The following TDRD12 variants were observed in gnomAD, a reference collection of about 807,000 sequenced individuals.
TDRD12 encodes the protein tudor domain containing 12.
In TDRD12, 158 loss-of-function variants were observed where a neutral mutation model predicts 133.5. The ratio of observed to expected loss-of-function variants is 1.18; its 90% CI spans 1.04 to 1.35. The LOEUF (loss-of-function observed/expected upper bound fraction) is 1.35, where lower values mean the gene tolerates loss of function less well. Among genes scored for constraint, TDRD12 ranks in the 40% most tolerant of loss-of-function variants. The pLI, the probability that TDRD12 is intolerant of heterozygous loss-of-function variation, is 0.00. For missense variants in TDRD12, 1,443 were observed against 1,321.3 expected, an observed-to-expected ratio of 1.09 and a Z score of -1.43; for synonymous variants, 460 against 477.9, an observed-to-expected ratio of 0.96 and a Z score of 0.49.
In TDRD12 at chr19:32,826,441, C is replaced by T. The variant is rs563878619; in HGVS notation, c.896-4C>T. 2 of 1,165,560 alleles carry T rather than the reference C, an allele frequency of 1.7e-6. No individual in the cohort carries two copies. Among genetic ancestry groups the T allele is most frequent in the Admixed American group, 9.0e-5 (2 of 22,258 alleles). The allele number at this position is 1,165,560 out of a possible 1,614,324, so 72.2% of individuals were successfully genotyped here. On this transcript the variant is annotated splice_region_variant and splice_polypyrimidine_tract_variant and intron_variant, in intron 8 of 9. Coordinates refer to the TDRD12 transcript ENST00000637289. ...GCTGACTTTATTTCTTTTTATAAAC[C>T]CAGTGCTTGGGTGGGAGACAAATTT...
chr19:32,829,486 T>G (rs1967688435), downstream of TDRD12: 1 of 152,252 alleles, frequency 6.6e-6, no homozygotes, highest in South Asian at 2.1e-4. Flanking sequence ...TGAAAGTGCC[T>G]TTGTCTCTAT....
chr19:32,744,605 G>T (rs1264039916), intron 4 of TDRD12, among the ~76,000 whole-genome samples: 1 of 149,600 alleles, frequency 6.7e-6, no homozygotes, highest in Non-Finnish European at 1.5e-5. Context: ...CCCCATCTTT[G>T]CTCCCTTTTT....
exon 15 of TDRD12, chr19:32,797,754 G>T: frequency 1.4e-6 from 1 of 698,696 alleles, no homozygotes; most frequent in Non-Finnish European, 2.6e-6. Context: ...GTCATCGTGT[G>T]CCCTGGGTGG....
At chr19:32,826,582 A>C (rs1967597707) in exon 9 of TDRD12, 1 of 1,238,908 alleles carries the variant, frequency 8.1e-7, no homozygotes, top group African/African-American at 1.5e-5. Flanking sequence ...GCATGGTGTC[A>C]CCTACTCAGA....
At chr19:32,747,979 C>T (rs1052433600) in intron 4 of TDRD12, among the ~76,000 whole-genome samples, 1 of 152,154 alleles carries the variant, frequency 6.6e-6, no homozygotes, top group Non-Finnish European at 1.5e-5. Flanking sequence ...CATGCCACTG[C>T]ACTCCAGCCT....
At chr19:32,720,987 T>TC in intron 1 of TDRD12, among the ~76,000 whole-genome samples, 1 of 151,950 alleles carries the variant, frequency 6.6e-6, no homozygotes, top group South Asian at 2.1e-4. Flanking sequence ...GACACTGGCG[T>TC]CCCCAGGGCC....
chr19:32,823,729 A>G (rs919910560), downstream of TDRD12, among the ~76,000 whole-genome samples: 2 of 152,242 alleles, frequency 1.3e-5, no homozygotes, highest in Non-Finnish European at 2.9e-5. Flanking sequence ...GACAGTTTGC[A>G]AGGCCAGCTG....
chr19:32,743,241 G>T (rs1969487168), intron 4 of TDRD12, among the ~76,000 whole-genome samples: 1 of 152,220 alleles, frequency 6.6e-6, no homozygotes, highest in African/African-American at 2.4e-5. Context: ...TAGTGCAGTT[G>T]CATGATCATG....
chr19:32,743,342 C>A (rs1347003429), intron 4 of TDRD12, among the ~76,000 whole-genome samples: 1 of 151,816 alleles, frequency 6.6e-6, no homozygotes, highest in Non-Finnish European at 1.5e-5. Context: ...CCACCATACC[C>A]AGCTAACTCC....
intron 11 of TDRD12, among the ~76,000 whole-genome samples, chr19:32,788,216 G>C (rs527650307): frequency 4.6e-5 from 7 of 151,564 alleles, no homozygotes; most frequent in African/African-American, 1.2e-4. Flanking sequence ...TCTGCCTCCT[G>C]GGTTCAAGTG....
chr19:32,761,738 G>A (rs967717420), intron 8 of TDRD12, among the ~76,000 whole-genome samples: 1 of 152,024 alleles, frequency 6.6e-6, no homozygotes, highest in African/African-American at 2.4e-5. Context: ...CACCTAGGCT[G>A]GAGTGCAGTG....
At position 32,775,818 on chromosome 19, in the gene TDRD12, G is replaced by A. The variant is rs543970590; in HGVS notation, c.1041-1331G>A. Among the ~76,000 whole-genome samples, 62 of 152,224 alleles carry A rather than the reference G, an allele frequency of 4.1e-4. 1 individual carries two copies. The highest frequency in any genetic ancestry group is 1.5e-3 in the African/African-American group (61 of 41,522). The stretch of plus-strand genomic sequence containing the variant: ...CTGATTGTCGTTTCCCTTGGCAGTC[G>A]ATCTGGTTTTCCTGGGCCCGTGTGT... On this transcript the variant is annotated intron_variant, in intron 10 of 27. Transcript: ENST00000444215.
intron 24 of TDRD12, among the ~76,000 whole-genome samples, chr19:32,812,047 T>TG (rs1264693246): frequency 6.6e-6 from 1 of 152,218 alleles, no homozygotes; most frequent in Non-Finnish European, 1.5e-5. Flanking sequence ...TCATTTCCTC[T>TG]GGGCTTCGTG....
Position 32,777,606 on chromosome 19 carries a change from T to C in TDRD12, c.1121+377T>C, listed in dbSNP as rs1021067077. ...ACACTGCTAGAGAAACTGAGCAGTT[T>C]GCCTTGATTTCATACTTGTGTAATC... is the stretch of plus-strand genomic sequence containing the variant. On this transcript the variant is annotated intron_variant, in intron 11 of 27. Transcript: ENST00000444215. 3.9e-5 allele frequency among the ~76,000 whole-genome samples: 6 copies of C among 152,050 alleles called. No individual in the cohort carries two copies. In the South Asian group the frequency reaches 1.2e-3, roughly 32 times the overall value.
At chr19:32,802,043 T>C (rs1477460087) in intron 19 of TDRD12, among the ~76,000 whole-genome samples, 170 bp downstream of exon 19, 1 of 151,160 alleles carries the variant, frequency 6.6e-6, no homozygotes, top group Non-Finnish European at 1.5e-5. Flanking sequence ...ACTAAGATTT[T>C]GATGTTGAGG....
intron 1 of TDRD12, among the ~76,000 whole-genome samples, chr19:32,731,333 T>C (rs1427753477): frequency 1.3e-5 from 2 of 152,000 alleles, no homozygotes; most frequent in African/African-American, 2.4e-5. Context: ...AGTGGGAAAA[T>C]TGCTCGAGCC....
chr19:32,773,324 C>G, intron 9 of TDRD12, 132 bp from the exon 10 acceptor site: 1 of 776,664 alleles, frequency 1.3e-6, no homozygotes, highest in Non-Finnish European at 2.2e-6. Flanking sequence ...ATCTCTCTAT[C>G]TCTGTGTGTG....
chr19:32,826,244 C>A, downstream of TDRD12: 2 of 1,476,488 alleles, frequency 1.4e-6, no homozygotes, highest in Admixed American at 2.4e-5. Flanking sequence ...CTTCTTCTAG[C>A]TTCCACCCAC....
intron 21 of TDRD12, 61 bp downstream of exon 21, chr19:32,803,203 G>A (rs937413190): frequency 2.4e-6 from 3 of 1,236,056 alleles, no homozygotes; most frequent in Non-Finnish European, 3.3e-6. Flanking sequence ...GTGCACAGCT[G>A]TTGCAATGTG....
Sources: allele counts gnomAD v4.1 joint callset (sites outside exome capture counted in the v4.1 genomes callset), GRCh38; gene constraint gnomAD v4.1.1; transcripts MANE v1.5; gene names NCBI Gene and HGNC (gene_info 2026-07-23, HGNC 2026-07-21).